MAN1A2: variants seen among roughly 807,000 people sequenced by gnomAD.
MAN1A2 encodes the protein mannosidase alpha class 1A member 2.
In MAN1A2, 26 loss-of-function variants were observed where a neutral mutation model predicts 75.7. The ratio of observed to expected loss-of-function variants is 0.34; its 90% CI spans 0.25 to 0.48. The LOEUF (loss-of-function observed/expected upper bound fraction) is 0.48. MAN1A2 is among the 20% of genes least tolerant of loss of function. MAN1A2 has a pLI of 0.99. For synonymous variants in MAN1A2, 247 were observed against 264.6 expected, an observed-to-expected ratio of 0.93 and a Z score of 0.65; for missense variants, 562 against 775.5, an observed-to-expected ratio of 0.72 and a Z score of 3.27.
chr1:117,382,641 C>T (rs1478475049), intron 1 of MAN1A2, among the ~76,000 whole-genome samples: 1 of 152,080 alleles, frequency 6.6e-6, no homozygotes, highest in African/African-American at 2.4e-5. Context: ...GTTCTTTTGG[C>T]TTAGGATTGA....
chr1:117,508,601 G>A (rs950424243), intron 12 of MAN1A2, among the ~76,000 whole-genome samples: 1 of 151,538 alleles, frequency 6.6e-6, no homozygotes, highest in East Asian at 1.9e-4. Context: ...AAAGATTTAT[G>A]TACAGAGATG....
intron 6 of MAN1A2, among the ~76,000 whole-genome samples, chr1:117,453,263 T>C (rs1227044497): frequency 6.6e-6 from 1 of 152,222 alleles, no homozygotes; most frequent in Non-Finnish European, 1.5e-5. Context: ...TCAAGTCTTA[T>C]TATTTAAAGA....
intron 4 of MAN1A2, among the ~76,000 whole-genome samples, chr1:117,419,178 G>A (rs1648107726): frequency 6.6e-6 from 1 of 150,962 alleles, no homozygotes. Context: ...TTTTACTCTT[G>A]AGTGTTATGT....
intron 5 of MAN1A2, among the ~76,000 whole-genome samples, chr1:117,426,119 C>T (rs909524919): frequency 1.3e-5 from 2 of 151,930 alleles, no homozygotes; most frequent in African/African-American, 4.8e-5. Flanking sequence ...TTTTTCCTGT[C>T]AACACTTTAG....
intron 1 of MAN1A2, among the ~76,000 whole-genome samples, chr1:117,371,573 G>A (rs1652966626): frequency 6.6e-6 from 1 of 152,038 alleles, no homozygotes; most frequent in African/African-American, 2.4e-5. Flanking sequence ...TTGAGGGGAG[G>A]TTGAGGGTCA....
intron 8 of MAN1A2, among the ~76,000 whole-genome samples, chr1:117,483,270 G>A (rs1020338791): frequency 6.6e-6 from 1 of 152,034 alleles, no homozygotes; most frequent in Admixed American, 6.6e-5. Flanking sequence ...TTCCATTTCT[G>A]TGAAGAAAGT....
At chr1:117,445,874 C>A (rs6664797) in intron 6 of MAN1A2, among the ~76,000 whole-genome samples, 23,396 of 86,374 alleles carry the variant, frequency 0.27, 3,714 homozygotes, top group East Asian at 0.4. Flanking sequence ...GTGTGTGTGT[C>A]TGTGTGTGTG....
chr1:117,417,549 A>ATATATATATATG (rs1648038208), intron 4 of MAN1A2, among the ~76,000 whole-genome samples: 1 of 141,770 alleles, frequency 7.1e-6, no homozygotes, highest in African/African-American at 2.6e-5. Flanking sequence ...ATATATATAT[A>ATATATATATATG]TATATATATG....
intron 5 of MAN1A2, among the ~76,000 whole-genome samples, chr1:117,425,774 AT>A (rs1193464369): frequency 6.6e-6 from 1 of 152,180 alleles, no homozygotes; most frequent in Non-Finnish European, 1.5e-5. Context: ...TGTTGTTATT[AT>A]TATAGATTTC....
In MAN1A2 at chr1:117,523,156, C is replaced by G. The variant is rs562652978; in HGVS notation, c.*199C>G. 2 of 684,484 alleles carry G rather than the reference C, an allele frequency of 2.9e-6. No homozygotes were observed. Among genetic ancestry groups the G allele is most frequent in the East Asian group, 5.7e-5 (2 of 35,124 alleles). The allele number at this position is 684,484 out of a possible 1,614,324, so 42.4% of individuals were successfully genotyped here. ...ATTTTATACCTGACCAAAACATGTT[C>G]TGATATGTGTAGGACAGAGACCTGG... On this transcript the variant is annotated 3_prime_UTR_variant, in exon 13 of 13. Transcript: ENST00000356554.
chr1:117,452,413 CAGTT>C (rs916271640), intron 6 of MAN1A2, among the ~76,000 whole-genome samples: 18 of 151,998 alleles, frequency 1.2e-4, no homozygotes, highest in South Asian at 2.1e-4. Context: ...TTGTGCCAAA[CAGTT>C]AGAGTAGTTG....
At chr1:117,398,585 ACT>A (rs1466763305) in intron 1 of MAN1A2, among the ~76,000 whole-genome samples, 3 of 150,998 alleles carry the variant, frequency 2.0e-5, no homozygotes, top group Non-Finnish European at 1.5e-5. Context: ...GAAGCAGGAG[ACT>A]CTGTTGAATC....
intron 12 of MAN1A2, among the ~76,000 whole-genome samples, chr1:117,504,597 T>C (rs1570798604): frequency 6.6e-6 from 1 of 151,576 alleles, no homozygotes; most frequent in East Asian, 1.9e-4. Flanking sequence ...TGTTGTCTAA[T>C]ATGTAATCCC....
intron 8 of MAN1A2, among the ~76,000 whole-genome samples, chr1:117,479,067 G>A (rs1273932491): frequency 1.3e-5 from 2 of 151,658 alleles, no homozygotes; most frequent in Non-Finnish European, 1.5e-5. Flanking sequence ...TCTTCCTGAT[G>A]CTCTCCCTCC....
chr1:117,498,781 C>T (rs1279896918), intron 10 of MAN1A2, among the ~76,000 whole-genome samples: 3 of 151,718 alleles, frequency 2.0e-5, no homozygotes, highest in African/African-American at 7.3e-5. Flanking sequence ...GCTAACTTTC[C>T]AGCAGGTTAT....
chr1:117,382,427 A>G (rs1653375585), intron 1 of MAN1A2, among the ~76,000 whole-genome samples: 1 of 152,340 alleles, frequency 6.6e-6, no homozygotes, highest in South Asian at 2.1e-4. Flanking sequence ...AGCACCATTT[A>G]TTAAATAGGG....
At chr1:117,439,839 TATC>T (rs1648972998) in intron 5 of MAN1A2, among the ~76,000 whole-genome samples, 1 of 152,158 alleles carries the variant, frequency 6.6e-6, no homozygotes, top group Non-Finnish European at 1.5e-5. Context: ...GTTAACAAGA[TATC>T]ATGAAAAAGC....
chr1:117,379,362 A>T (rs993921729), intron 1 of MAN1A2, among the ~76,000 whole-genome samples: 2 of 152,108 alleles, frequency 1.3e-5, no homozygotes, highest in Non-Finnish European at 2.9e-5. Flanking sequence ...CGTTTTGTTA[A>T]GTATAGCCTT....
intron 12 of MAN1A2, among the ~76,000 whole-genome samples, chr1:117,508,138 C>T (rs769248580): frequency 6.6e-6 from 1 of 151,630 alleles, no homozygotes; most frequent in Non-Finnish European, 1.5e-5. Context: ...CACCCATTCA[C>T]CTAGATCTTT....
Sources: gnomAD v4.1 joint callset for allele counts (sites outside exome capture counted in the v4.1 genomes callset) on GRCh38, gnomAD v4.1.1 for gene constraint, MANE v1.5 for transcripts, NCBI Gene and HGNC (gene_info 2026-07-23, HGNC 2026-07-21) for gene names.